Variants in PTPRA observed in about 807,000 individuals in gnomAD.
PTPRA encodes receptor-type tyrosine-protein phosphatase alpha.
In PTPRA, 25 loss-of-function variants were observed where a neutral mutation model predicts 104.8. The ratio of observed to expected loss-of-function variants is 0.24; its 90% CI spans 0.17 to 0.33. PTPRA has a LOEUF of 0.33. PTPRA is among the 10% of genes least tolerant of loss of function. The pLI, the probability that PTPRA is intolerant of heterozygous loss-of-function variation, is 1.00. For synonymous variants in PTPRA, 323 were observed against 368.9 expected (o/e 0.88, Z 1.43); for missense variants, 765 against 1,015.3 (o/e 0.75, Z 3.35).
At chr20:2,973,952 A>ATTT (rs540787644) in intron 5 of PTPRA, among the ~76,000 whole-genome samples, 9 of 135,356 alleles carry the variant, frequency 6.6e-5, no homozygotes, top group South Asian at 2.4e-4. Flanking sequence ...TGTTTGTCTG[A>ATTT]TTTTTTTTTT....
At position 3,027,728 on chromosome 20, in the gene PTPRA, T is replaced by C. The variant is rs747505938; in HGVS notation, c.1807T>C (p.Tyr603His). 1 of 1,614,102 alleles carries C rather than the reference T, an allele frequency of 6.2e-7. No homozygotes were observed. The highest frequency in any genetic ancestry group is 8.5e-7 in the Non-Finnish European group (1 of 1,179,998). Residue 603 changes from tyrosine (Y) to histidine (H), a missense_variant, in exon 20 of 24, where the codon TAT becomes CAT. This residue lies in a region of PTPRA where 192 missense variants were observed against 227.0 expected (regional missense o/e 0.85). Transcript: ENST00000399903. ...GCAGGGCTACCGGCAGAAGGACTCC[T>C]ATATCGCCAGCCAGGGCCCTCTTCT... ...FIDGYRQKDSYIASQGPLLHT... is the reference protein window; with the variant it reads ...FIDGYRQKDSHIASQGPLLHT...
chr20:2,894,919 G>A (rs1437299239), intron 1 of PTPRA, among the ~76,000 whole-genome samples: 3 of 151,154 alleles, frequency 2.0e-5, no homozygotes, highest in East Asian at 3.9e-4. Context: ...CCCGGGAGGC[G>A]GAGCTTGCAG....
chr20:2,906,344 G>C lies in PTPRA; in HGVS notation c.-128-16863G>C, dbSNP rs564974285. Among the ~76,000 whole-genome samples, 4 of 152,238 alleles carry C rather than the reference G, an allele frequency of 2.6e-5. No individual in the cohort carries two copies. The East Asian group carries it at 7.7e-4, about 29-fold the overall frequency. The stretch of plus-strand genomic sequence containing the variant: ...GTTAGATAAGTTTTTACCAATCCCA[G>C]AAGGAGATAGAGGACAAGCTTTTAT... On this transcript the variant is annotated intron_variant, in intron 1 of 23. Transcript: ENST00000399903.
At chr20:2,948,298 T>G (rs1011891432) in intron 3 of PTPRA, among the ~76,000 whole-genome samples, 1 of 152,236 alleles carries the variant, frequency 6.6e-6, no homozygotes, top group Non-Finnish European at 1.5e-5. Context: ...CCTTCCAGTT[T>G]ACCTACTATG....
chr20:2,906,501 CAA>C lies in PTPRA; in HGVS notation c.-128-16705_-128-16704del, dbSNP rs765216149. The stretch of plus-strand genomic sequence containing the variant: ...GGGTAATACGTACGTTCTGATATAA[CAA>C]GAGAGAAAACAAATTTTGAGAAATT... On this transcript the variant is annotated intron_variant, in intron 1 of 23. Transcript: ENST00000399903. 6.4e-4 allele frequency among the ~76,000 whole-genome samples: 98 copies of C among 152,132 alleles called. 1 individual carries two copies. The South Asian group carries it at 6.8e-3, about 11-fold the overall frequency.
At chr20:2,877,257 T>C (rs1388641125) in intron 1 of PTPRA, among the ~76,000 whole-genome samples, 1 of 152,128 alleles carries the variant, frequency 6.6e-6, no homozygotes, top group Admixed American at 6.5e-5. Context: ...TTTTGTTTGT[T>C]TGTTTGTTTG....
At chr20:2,907,967 T>C (rs890068805) in intron 1 of PTPRA, among the ~76,000 whole-genome samples, 1 of 152,166 alleles carries the variant, frequency 6.6e-6, no homozygotes, top group African/African-American at 2.4e-5. Context: ...GGAGAAAGCC[T>C]AGAGAAAGGC....
At chr20:2,954,298 C>G (rs1600166779) in intron 3 of PTPRA, among the ~76,000 whole-genome samples, 1 of 151,766 alleles carries the variant, frequency 6.6e-6, no homozygotes, top group African/African-American at 2.4e-5. Context: ...AGGCTGGGCT[C>G]GAACTCCTGA....
chr20:2,907,683 T>C (rs2059476441), intron 1 of PTPRA, among the ~76,000 whole-genome samples: 1 of 152,210 alleles, frequency 6.6e-6, no homozygotes, highest in Admixed American at 6.5e-5. Context: ...CACAGACTAT[T>C]CATAGAAGCT....
chr20:2,945,607 G>A (rs199896594), intron 2 of PTPRA, among the ~76,000 whole-genome samples: 2 of 96,170 alleles, frequency 2.1e-5, no homozygotes, highest in East Asian at 4.2e-4. Context: ...GTGTGTGTGT[G>A]TGTGTAAATA....
chr20:2,974,858 G>A lies in PTPRA; in HGVS notation c.416-357G>A, dbSNP rs565519111. On this transcript the variant is annotated intron_variant, in intron 5 of 23. Coordinates refer to ENST00000399903, the MANE Select transcript of PTPRA (RefSeq NM_001385305.1). ...TTTTCTCTGTTAGTCTGTAGAGTTT[G>A]GTATGTACCAATTAGATTTTATTAC... 1.2e-4 allele frequency among the ~76,000 whole-genome samples: 18 copies of A among 152,244 alleles called. No individual in the cohort carries two copies. The South Asian group carries it at 3.7e-3, about 32-fold the overall frequency.
At chr20:2,943,028 G>A (rs1199394463) in intron 2 of PTPRA, among the ~76,000 whole-genome samples, 4 of 151,604 alleles carry the variant, frequency 2.6e-5, no homozygotes, top group Non-Finnish European at 5.9e-5. Context: ...TTTTTGGATT[G>A]ATAGACTTTT....
In PTPRA at chr20:3,027,765, A is replaced by G. The variant is rs1366042272; in HGVS notation, c.1844A>G (p.Glu615Gly). The G allele has an allele frequency of 6.2e-7, 1 of 1,614,028 alleles. No individual in the cohort carries two copies. Among genetic ancestry groups the G allele is most frequent in the Non-Finnish European group, 8.5e-7 (1 of 1,180,028 alleles). ...ASQGPLLHTI[E>G]DFWRMIWEWK... ...CAGGGCCCTCTTCTCCACACAATTG[A>G]GGACTTCTGGCGAATGATCTGGGAG... The change falls in exon 20 of 24, where the codon GAG (glutamate) becomes GGG (glycine). Residue 615 changes from glutamate to glycine, a missense_variant. Coordinates refer to ENST00000399903, the MANE Select transcript of PTPRA (RefSeq NM_001385305.1).
In PTPRA at chr20:3,021,301, C is replaced by T. The variant is rs1401245532; in HGVS notation, c.1042-8C>T. 2 of 1,613,796 alleles carry T rather than the reference C, an allele frequency of 1.2e-6. No homozygotes were observed. Among genetic ancestry groups the T allele is most frequent in the African/African-American group, 1.3e-5 (1 of 74,926 alleles). On this transcript the variant is annotated splice_region_variant and splice_polypyrimidine_tract_variant and intron_variant, in intron 13 of 23. Transcript: ENST00000399903. ...AAGGTCAGGGAATGTATGTCTTTTT[C>T]TTTCCAGTGCAAGTGCGCCCAGTAC...
chr20:2,891,943 A>T (rs1333035138), intron 1 of PTPRA, among the ~76,000 whole-genome samples: 1 of 152,022 alleles, frequency 6.6e-6, no homozygotes, highest in East Asian at 1.9e-4. Context: ...TTCTTATTTT[A>T]TGGTTTTATT....
intron 1 of PTPRA, among the ~76,000 whole-genome samples, chr20:2,880,098 T>C (rs2089964946): frequency 6.6e-6 from 1 of 152,218 alleles, no homozygotes; most frequent in Non-Finnish European, 1.5e-5. Flanking sequence ...GATTTTGGAC[T>C]CTATCCTGAA....
intron 1 of PTPRA, among the ~76,000 whole-genome samples, chr20:2,896,161 G>A (rs1600076288): frequency 6.6e-6 from 1 of 152,034 alleles, no homozygotes; most frequent in Non-Finnish European, 1.5e-5. Context: ...GATCACTTGA[G>A]GTCATGAGTT....
chr20:2,969,225 T>A (rs1600189375), intron 5 of PTPRA, among the ~76,000 whole-genome samples: 1 of 145,714 alleles, frequency 6.9e-6, no homozygotes, highest in Non-Finnish European at 1.5e-5. Context: ...AAAAAAAAAA[T>A]CAGTGACAAG....
At chr20:2,969,969 C>CTAAA (rs1446344112) in intron 5 of PTPRA, among the ~76,000 whole-genome samples, 3 of 43,632 alleles carry the variant, frequency 6.9e-5, no homozygotes, top group East Asian at 1.3e-3. Flanking sequence ...GACTCTCTCT[C>CTAAA]TAAATAAATA....
Sources: gnomAD v4.1 joint callset for allele counts (sites outside exome capture counted in the v4.1 genomes callset) on GRCh38, gnomAD v4.1.1 for gene constraint, gnomAD v4.1.1 regional missense constraint, MANE v1.5 for transcripts, NCBI Gene and HGNC (gene_info 2026-07-23, HGNC 2026-07-21) for gene names.